The following TNS3 variants were observed in gnomAD, a reference collection of about 807,000 sequenced individuals.
TNS3 encodes the protein tensin-3.
A neutral mutation model predicts 140.9 loss-of-function variants in TNS3; 45 were observed. The observed-to-expected ratio is 0.32, with a 90% CI of 0.25 to 0.41. The LOEUF (loss-of-function observed/expected upper bound fraction) is 0.41. Ranked by LOEUF, TNS3 falls within the 10% of genes least tolerant of loss-of-function variation. TNS3 has a pLI of 1.00. For synonymous variants in TNS3, 815 were observed against 788.4 expected (o/e 1.03, Z -0.56); for missense variants, 1,716 against 1,906.7 (o/e 0.90, Z 1.86).
At chr7:47,304,588 A>AT (rs1786632226) in intron 21 of TNS3, among the ~76,000 whole-genome samples, 1 of 151,466 alleles carries the variant, frequency 6.6e-6, no homozygotes, top group Non-Finnish European at 1.5e-5. Context: ...TCTAAGACTG[A>AT]TTTTTCCTGT....
At chr7:47,286,472 C>T (rs17172846) in intron 27 of TNS3, among the ~76,000 whole-genome samples, 33,484 of 152,048 alleles carry the variant, frequency 0.22, 4,276 homozygotes, top group East Asian at 0.5. Context: ...TGTCCAACTG[C>T]ACCTGACCCA....
intron 12 of TNS3, among the ~76,000 whole-genome samples, chr7:47,413,186 T>C (rs1291821622): frequency 4.0e-5 from 6 of 151,400 alleles, no homozygotes; most frequent in African/African-American, 1.2e-4. Flanking sequence ...TCTCTTGACC[T>C]TGTGATCAGC....
intron 4 of TNS3, among the ~76,000 whole-genome samples, chr7:47,478,830 G>A (rs368233306): frequency 1.6e-4 from 24 of 152,066 alleles, no homozygotes; most frequent in African/African-American, 3.9e-4. Context: ...ATGTGTTCAT[G>A]TACCAATAAA....
chr7:47,350,897 G>A (rs1789631079), intron 17 of TNS3, among the ~76,000 whole-genome samples: 1 of 152,182 alleles, frequency 6.6e-6, no homozygotes, highest in African/African-American at 2.4e-5. Flanking sequence ...AACATTAAGT[G>A]ACAAAAGACA....
At chr7:47,436,490 T>C (rs1795187788) in intron 7 of TNS3, among the ~76,000 whole-genome samples, 1 of 152,156 alleles carries the variant, frequency 6.6e-6, no homozygotes, top group Non-Finnish European at 1.5e-5. Flanking sequence ...ATGAGGGGCC[T>C]AAAACCTAGA....
intron 16 of TNS3, among the ~76,000 whole-genome samples, chr7:47,378,428 A>G (rs1461255075): frequency 6.6e-6 from 1 of 152,198 alleles, no homozygotes; most frequent in Non-Finnish European, 1.5e-5. Context: ...ATTTTTTGAT[A>G]TGACTGAAAT....
intron 2 of TNS3, among the ~76,000 whole-genome samples, chr7:47,518,192 G>A (rs1224705923): frequency 6.6e-6 from 1 of 152,118 alleles, no homozygotes; most frequent in South Asian, 2.1e-4. Context: ...AAACCCTCCA[G>A]ACCACCCTCT....
chr7:47,550,816 A>C (rs1321866637), intron 1 of TNS3, among the ~76,000 whole-genome samples: 2 of 152,186 alleles, frequency 1.3e-5, no homozygotes, highest in African/African-American at 4.8e-5. Flanking sequence ...TAAAAATAAT[A>C]ATCACATCCA....
chr7:47,445,591 G>C (rs1019572482), intron 4 of TNS3, among the ~76,000 whole-genome samples: 8 of 152,136 alleles, frequency 5.3e-5, no homozygotes, highest in African/African-American at 1.7e-4. Flanking sequence ...GTGCCAAAAA[G>C]GGCAGAGAAA....
chr7:47,514,701 TTCCAC>T (rs1798722521), intron 2 of TNS3, among the ~76,000 whole-genome samples: 1 of 152,176 alleles, frequency 6.6e-6, no homozygotes, highest in Admixed American at 6.6e-5. Context: ...GTCTCGCTGA[TTCCAC>T]TATTAGATCC....
intron 13 of TNS3, among the ~76,000 whole-genome samples, chr7:47,404,577 A>G (rs1042211133): frequency 3.3e-5 from 5 of 152,260 alleles, no homozygotes; most frequent in Admixed American, 6.5e-5. Context: ...TTATTTTCTA[A>G]TAGTGGTATA....
At chr7:47,302,152 G>T in intron 23 of TNS3, 34 bp downstream of exon 23, 1 of 1,569,212 alleles carries the variant, frequency 6.4e-7, no homozygotes, top group Non-Finnish European at 8.8e-7. Context: ...CACTAGGGCA[G>T]ATGCCCAAGG....
chr7:47,333,771 GTCTC>G (rs913519899), intron 20 of TNS3, among the ~76,000 whole-genome samples: 2 of 152,316 alleles, frequency 1.3e-5, no homozygotes, highest in Non-Finnish European at 2.9e-5. Flanking sequence ...CTCACGCTGT[GTCTC>G]TCTATCAGTC....
chr7:47,427,292 G>A (rs1794709213), intron 9 of TNS3, among the ~76,000 whole-genome samples: 1 of 152,128 alleles, frequency 6.6e-6, no homozygotes, highest in African/African-American at 2.4e-5. Flanking sequence ...TTCTCACCAA[G>A]AGGGTATCTG....
intron 17 of TNS3, among the ~76,000 whole-genome samples, chr7:47,353,114 C>G (rs1384230505): frequency 2.0e-5 from 3 of 152,210 alleles, no homozygotes; most frequent in African/African-American, 7.2e-5. Context: ...ACAGCAAGCT[C>G]CGTACCTCTG....
At chr7:47,560,228 A>T (rs1373021093) in intron 1 of TNS3, among the ~76,000 whole-genome samples, 1 of 151,932 alleles carries the variant, frequency 6.6e-6, no homozygotes, top group Admixed American at 6.6e-5. Context: ...GGATGGGCTT[A>T]GGGCCTCATA....
At chr7:47,294,926 C>G (rs1785919687) in intron 24 of TNS3, among the ~76,000 whole-genome samples, 1 of 152,202 alleles carries the variant, frequency 6.6e-6, no homozygotes, top group African/African-American at 2.4e-5. Context: ...GGAAGTCCTT[C>G]TGGCCAGGGC....
chr7:47,554,483 A>G (rs1019495320), intron 1 of TNS3, among the ~76,000 whole-genome samples: 1 of 152,004 alleles, frequency 6.6e-6, no homozygotes, highest in Non-Finnish European at 1.5e-5. Flanking sequence ...CTTTAAGAAC[A>G]TTTGTGATTC....
chr7:47,507,633 C>A (rs922671965), intron 2 of TNS3, among the ~76,000 whole-genome samples: 1 of 152,144 alleles, frequency 6.6e-6, no homozygotes, highest in Non-Finnish European at 1.5e-5. Context: ...GGAACCAATG[C>A]GGATTTCACA....
Sources: gnomAD v4.1 joint callset for allele counts (sites outside exome capture counted in the v4.1 genomes callset) on GRCh38, gnomAD v4.1.1 for gene constraint, MANE v1.5 for transcripts, NCBI Gene and HGNC (gene_info 2026-07-23, HGNC 2026-07-21) for gene names.